ARSB: variants seen among roughly 807,000 people sequenced by gnomAD.
ARSB encodes the protein arylsulfatase B.
ARSB carries 41 observed loss-of-function variants against 50.9 expected under a neutral mutation model. That is an observed-to-expected ratio of 0.81 (90% CI 0.63 to 1.04). ARSB has a LOEUF of 1.04. Ranked by LOEUF, ARSB falls within the 50% of genes least tolerant of loss-of-function variation. ARSB has a pLI of 0.00. For missense variants in ARSB, 672 were observed against 693.3 expected (o/e 0.97, Z 0.35); for synonymous variants, 269 against 284.8 (o/e 0.94, Z 0.56).
At chr5:78,896,824 C>T (rs1452780947) in intron 4 of ARSB, among the ~76,000 whole-genome samples, 4 of 151,994 alleles carry the variant, frequency 2.6e-5, no homozygotes, top group Non-Finnish European at 5.9e-5. Flanking sequence ...TGTGATGCTC[C>T]TTTGTCCTGA....
chr5:78,919,573 A>G (rs1749707229), intron 4 of ARSB, among the ~76,000 whole-genome samples: 1 of 151,918 alleles, frequency 6.6e-6, no homozygotes, highest in African/African-American at 2.4e-5. Context: ...GCTCATTGCA[A>G]CCTCCGCCTC....
intron 6 of ARSB, among the ~76,000 whole-genome samples, chr5:78,794,737 G>T (rs1369666432): frequency 6.6e-6 from 1 of 152,160 alleles, no homozygotes; most frequent in Non-Finnish European, 1.5e-5. Flanking sequence ...AATTAGGTGA[G>T]GCCACTGGGG....
intron 5 of ARSB, among the ~76,000 whole-genome samples, chr5:78,841,156 C>CTAATAATAATAATAATAA (rs1491427657): frequency 1.2e-3 from 124 of 102,898 alleles, no homozygotes; most frequent in Non-Finnish European, 1.3e-3. Context: ...ACTACTACTA[C>CTAATAATAATAATAATAA]TACTACTACT....
At chr5:78,897,656 T>C (rs1018152729) in intron 4 of ARSB, among the ~76,000 whole-genome samples, 2 of 152,138 alleles carry the variant, frequency 1.3e-5, no homozygotes, top group Non-Finnish European at 2.9e-5. Context: ...GGGAGTGGCA[T>C]AAATGTATGG....
chr5:78,908,731 CTTT>C (rs34571367), intron 4 of ARSB, among the ~76,000 whole-genome samples: 2 of 140,382 alleles, frequency 1.4e-5, no homozygotes, highest in Admixed American at 7.0e-5. Context: ...CTGGCCAAGA[CTTT>C]TTTTTTTTTT....
intron 4 of ARSB, among the ~76,000 whole-genome samples, chr5:78,924,200 G>A (rs1278153592): frequency 1.2e-4 from 18 of 152,172 alleles, no homozygotes; most frequent in Non-Finnish European, 1.5e-5. Context: ...GGTGCTTTAT[G>A]TGAATTCTCT....
intron 6 of ARSB, among the ~76,000 whole-genome samples, chr5:78,812,592 AACACACACACACACACACACAC>A (rs66597603): frequency 6.9e-6 from 1 of 144,262 alleles, no homozygotes; most frequent in Non-Finnish European, 1.5e-5. Context: ...ATTCTGTTCA[AACACACACACACACACACACAC>A]ACACACACAC....
intron 4 of ARSB, among the ~76,000 whole-genome samples, chr5:78,944,296 T>C (rs1029238589): frequency 6.6e-6 from 1 of 152,264 alleles, no homozygotes; most frequent in African/African-American, 2.4e-5. Context: ...TCATTCTCCA[T>C]CCAGCTTTGT....
intron 5 of ARSB, among the ~76,000 whole-genome samples, chr5:78,861,272 A>G (rs952776307): frequency 1.3e-5 from 2 of 152,224 alleles, no homozygotes; most frequent in African/African-American, 2.4e-5. Context: ...TGAGGCCAGC[A>G]TCATCCTGAT....
chr5:78,896,823 C>T (rs1174572057), intron 4 of ARSB, among the ~76,000 whole-genome samples: 7 of 152,024 alleles, frequency 4.6e-5, no homozygotes, highest in African/African-American at 1.7e-4. Flanking sequence ...TTGTGATGCT[C>T]CTTTGTCCTG....
At chr5:78,919,600 C>A (rs1011693609) in intron 4 of ARSB, among the ~76,000 whole-genome samples, 1 of 152,196 alleles carries the variant, frequency 6.6e-6, no homozygotes, top group African/African-American at 2.4e-5. Context: ...TCAAGTGATT[C>A]TCCAGCCTCA....
At chr5:78,966,089 C>T (rs1752192449) in intron 2 of ARSB, among the ~76,000 whole-genome samples, 1 of 152,220 alleles carries the variant, frequency 6.6e-6, no homozygotes, top group African/African-American at 2.4e-5. Flanking sequence ...GAGGAAATCA[C>T]TTCAGGTTCT....
chr5:78,879,620 C>T (rs1747649609), intron 5 of ARSB, among the ~76,000 whole-genome samples: 1 of 152,184 alleles, frequency 6.6e-6, no homozygotes, highest in Non-Finnish European at 1.5e-5. Context: ...AGTGGTATTT[C>T]CATTTCTGGA....
chr5:78,781,602 A>G (rs1748928113), intron 7 of ARSB, among the ~76,000 whole-genome samples: 1 of 152,142 alleles, frequency 6.6e-6, no homozygotes, highest in Admixed American at 6.5e-5. Flanking sequence ...GAAAGATTAG[A>G]AAGACAAATT....
chr5:78,781,995 A>G, intron 6 of ARSB, 21 bp from the exon 7 acceptor site: 1 of 1,614,028 alleles, frequency 6.2e-7, no homozygotes, highest in Non-Finnish European at 8.5e-7. Flanking sequence ...ATAGTTTGAA[A>G]GAATTAGATC....
At chr5:78,869,989 C>A (rs1360858468) in intron 5 of ARSB, among the ~76,000 whole-genome samples, 1 of 146,600 alleles carries the variant, frequency 6.8e-6, no homozygotes, top group Admixed American at 6.9e-5. Context: ...GATATCACCA[C>A]CGATCCCACA....
At chr5:78,793,754 T>C (rs969490873) in intron 6 of ARSB, among the ~76,000 whole-genome samples, 3 of 152,110 alleles carry the variant, frequency 2.0e-5, no homozygotes, top group African/African-American at 4.8e-5. Context: ...ATGGGTGTTG[T>C]GGCTAGGGAT....
intron 5 of ARSB, among the ~76,000 whole-genome samples, chr5:78,869,306 A>T (rs1370098505): frequency 7.8e-6 from 1 of 128,744 alleles, no homozygotes; most frequent in Non-Finnish European, 1.7e-5. Context: ...CTCTGCACCA[A>T]GCGGACCTAA....
chr5:78,982,672 G>A (rs1245594689), intron 1 of ARSB, among the ~76,000 whole-genome samples: 2 of 152,300 alleles, frequency 1.3e-5, no homozygotes, highest in South Asian at 2.1e-4. Flanking sequence ...AATCAAATGA[G>A]TTAACACTTG....
Sources: gnomAD v4.1 joint callset for allele counts (sites outside exome capture counted in the v4.1 genomes callset) on GRCh38, gnomAD v4.1.1 for gene constraint, MANE v1.5 for transcripts, NCBI Gene and HGNC (gene_info 2026-07-23, HGNC 2026-07-21) for gene names.